PVT1: variants seen among roughly 807,000 people sequenced by gnomAD.
PVT1 encodes CXCR4/PVT1 fusion.
chr8:128,064,143 G>C (rs376354781), intron 4 of PVT1, among the ~76,000 whole-genome samples: 24 of 152,220 alleles, frequency 1.6e-4, no homozygotes, highest in African/African-American at 5.5e-4. Context: ...ACCCGTCCCT[G>C]GCAGAAACAC....
At chr8:127,871,492 C>G (rs924629647) in intron 2 of PVT1, among the ~76,000 whole-genome samples, 1 of 152,156 alleles carries the variant, frequency 6.6e-6, no homozygotes, top group Non-Finnish European at 1.5e-5. Flanking sequence ...AAGGGATGCG[C>G]TGGACTCCCA....
chr8:127,873,363 A>G (rs989632848), intron 2 of PVT1, among the ~76,000 whole-genome samples: 2 of 152,210 alleles, frequency 1.3e-5, no homozygotes, highest in South Asian at 4.1e-4. Context: ...TATTTGGAAA[A>G]TGAATAGGAA....
At chr8:127,889,215 C>G (rs760229030) in intron 2 of PVT1, among the ~76,000 whole-genome samples, 3 of 151,788 alleles carry the variant, frequency 2.0e-5, no homozygotes, top group African/African-American at 4.8e-5. Context: ...CTGCAACCTC[C>G]GTCTCCTTGG....
intron 3 of PVT1, chr8:127,960,619 G>A (rs527314179): frequency 4.0e-6 from 2 of 502,762 alleles, no homozygotes; most frequent in African/African-American, 2.0e-5. Context: ...TAGGGAAAGT[G>A]AACACTTATC....
chr8:127,819,532 A>G (rs1814706557), intron 2 of PVT1, among the ~76,000 whole-genome samples: 1 of 152,200 alleles, frequency 6.6e-6, no homozygotes, highest in Non-Finnish European at 1.5e-5. Flanking sequence ...CTGGGATTTG[A>G]AAGACTCTCT....
chr8:127,795,555 G>A (rs1814385857), intron 1 of PVT1, among the ~76,000 whole-genome samples: 1 of 152,102 alleles, frequency 6.6e-6, no homozygotes, highest in Admixed American at 6.6e-5. Flanking sequence ...TTTCCTTTCT[G>A]GTATTAGGTT....
chr8:128,032,826 T>G (rs191233282), intron 4 of PVT1, among the ~76,000 whole-genome samples: 1 of 152,160 alleles, frequency 6.6e-6, no homozygotes, highest in African/African-American at 2.4e-5. Context: ...GTTCTTATGG[T>G]GAAAAGCACA....
intron 6 of PVT1, among the ~76,000 whole-genome samples, chr8:128,100,453 C>A (rs1814489884): frequency 6.6e-6 from 1 of 152,124 alleles, no homozygotes; most frequent in South Asian, 2.1e-4. Context: ...ATGAGAATTA[C>A]AGGGGGAGCA....
At chr8:128,030,927 C>T (rs767464638) in intron 4 of PVT1, among the ~76,000 whole-genome samples, 8 of 152,184 alleles carry the variant, frequency 5.3e-5, no homozygotes, top group Non-Finnish European at 1.2e-4. Context: ...AAATGACTAT[C>T]GAATTGTGGA....
intron 4 of PVT1, among the ~76,000 whole-genome samples, chr8:128,035,825 G>A (rs576363768): frequency 1.3e-5 from 2 of 152,316 alleles, no homozygotes; most frequent in South Asian, 2.1e-4. Context: ...TAGTGATGCA[G>A]CCAGGAGCCA....
chr8:128,082,932 T>C (rs1246602858), intron 5 of PVT1: 1 of 152,380 alleles, frequency 6.6e-6, no homozygotes, highest in South Asian at 2.1e-4. Flanking sequence ...ATGTACAACA[T>C]GTCCTGTTGT....
At chr8:128,027,873 G>A (rs1813331091) in intron 4 of PVT1, among the ~76,000 whole-genome samples, 1 of 152,176 alleles carries the variant, frequency 6.6e-6, no homozygotes, top group Non-Finnish European at 1.5e-5. Flanking sequence ...GCACTTTGCT[G>A]GCCATCTCCT....
At chr8:127,956,158 G>A (rs934908218) in intron 3 of PVT1, among the ~76,000 whole-genome samples, 6 of 152,246 alleles carry the variant, frequency 3.9e-5, no homozygotes, top group African/African-American at 1.2e-4. Context: ...AGCTCAAGGG[G>A]AAGAGCCTTG....
At chr8:127,876,797 C>G (rs1030736577) in intron 2 of PVT1, among the ~76,000 whole-genome samples, 1 of 152,200 alleles carries the variant, frequency 6.6e-6, no homozygotes, top group African/African-American at 2.4e-5. Flanking sequence ...GTGCCTGCTC[C>G]TGGTCATGGG....
intron 4 of PVT1, among the ~76,000 whole-genome samples, chr8:128,027,036 A>G (rs563097106): frequency 5.3e-5 from 8 of 152,200 alleles, no homozygotes; most frequent in African/African-American, 1.7e-4. Flanking sequence ...CGTTGATTAC[A>G]AGACACCATG....
intron 2 of PVT1, among the ~76,000 whole-genome samples, chr8:127,813,795 C>T (rs551564770): frequency 3.9e-5 from 6 of 152,272 alleles, no homozygotes; most frequent in South Asian, 2.1e-4. Flanking sequence ...AGGGTGGTGA[C>T]GCAAACCACA....
In PVT1 at chr8:127,802,826, G is replaced by T. The variant is rs536164611; in HGVS notation, n.372+6755G>T. 6.6e-5 allele frequency among the ~76,000 whole-genome samples: 10 copies of T among 152,262 alleles called. No individual in the cohort carries two copies. The South Asian group carries it at 2.1e-3, about 32-fold the overall frequency. On this transcript the variant is annotated intron_variant and non_coding_transcript_variant, in intron 2 of 10. Transcript: ENST00000651587. ...GGCACACTGCAGATGTAACTGCTAG[G>T]AGAGAAAGAAGGCAGGTTGAAATGG... is the stretch of plus-strand genomic sequence containing the variant.
intron 4 of PVT1, among the ~76,000 whole-genome samples, chr8:128,069,476 G>C (rs958593340): frequency 6.6e-6 from 1 of 152,226 alleles, no homozygotes; most frequent in Non-Finnish European, 1.5e-5. Context: ...GGTCAGAGCA[G>C]GAGGTGCTCC....
intron 3 of PVT1, among the ~76,000 whole-genome samples, chr8:127,923,221 T>C (rs184532629): frequency 7.8e-4 from 119 of 152,352 alleles, no homozygotes; most frequent in African/African-American, 2.3e-3. Context: ...GAGTTCATCA[T>C]AGCGATGCTG....
Sources: allele counts gnomAD v4.1 joint callset (sites outside exome capture counted in the v4.1 genomes callset), GRCh38; gene constraint gnomAD v4.1.1; transcripts MANE v1.5; gene names NCBI Gene and HGNC (gene_info 2026-07-23, HGNC 2026-07-21).